ABHD18: variants seen among roughly 807,000 people sequenced by gnomAD.
ABHD18 encodes cardiolipin-specific deacylase, mitochondrial.
ABHD18 carries 55 observed loss-of-function variants against 65.9 expected under a neutral mutation model. The observed-to-expected ratio is 0.84, with a 90% confidence interval of 0.67 to 1.05. The LOEUF (loss-of-function observed/expected upper bound fraction) is 1.05. Ranked by LOEUF, ABHD18 falls within the 50% of genes least tolerant of loss-of-function variation. The pLI is 0.00. For missense variants in ABHD18, 533 were observed against 558.5 expected, an observed-to-expected ratio of 0.95 and a Z score of 0.46; for synonymous variants, 181 against 180.2, an observed-to-expected ratio of 1.00 and a Z score of -0.04.
intron 12 of ABHD18, among the ~76,000 whole-genome samples, chr4:128,032,292 C>T (rs1758326351): frequency 6.6e-6 from 1 of 152,194 alleles, no homozygotes; most frequent in African/African-American, 2.4e-5. Flanking sequence ...TATTTGACCT[C>T]TTCCATTCCC....
At chr4:127,970,636 T>C (rs1007295843) in intron 1 of ABHD18, among the ~76,000 whole-genome samples, 5 of 146,776 alleles carry the variant, frequency 3.4e-5, no homozygotes, top group African/African-American at 1.3e-4. Context: ...ACCTATAATA[T>C]ATTGCAAAAG....
At chr4:128,010,926 T>C (rs1030835837) in intron 6 of ABHD18, among the ~76,000 whole-genome samples, 5 of 145,030 alleles carry the variant, frequency 3.4e-5, no homozygotes, top group African/African-American at 1.3e-4. Flanking sequence ...AAAAAAACCG[T>C]GGATAAAGAG....
rs1186504338 is a variant in ABHD18, at chr4:128,009,123, G to A, written c.374G>A (p.Arg125Gln). 1.9e-6 allele frequency: 3 copies of A among 1,571,540 alleles called. No individual in the cohort carries two copies. The highest frequency in any genetic ancestry group is 2.3e-5 in the East Asian group (1 of 43,388). ...GTGDHHYWRR[R>Q]TLMARPMIKE... ...TTTCCTTAGCATTACTGGAGGCGAC[G>A]AACACTAATGGCCCGTCCTATGATT... The change falls in exon 6 of 13, where the codon CGA becomes CAA. Residue 125 changes from arginine (R) to glutamine (Q), a missense_variant. Physicochemically the swap from Arg to Gln is conservative, Grantham distance 43 (BLOSUM62 1). Transcript: ENST00000645843.
At position 128,038,201 on chromosome 4, in the gene ABHD18, C is replaced by T. The variant is rs1759048517; in HGVS notation, c.*2388C>T. On this transcript the variant is annotated 3_prime_UTR_variant, in exon 13 of 13. Transcript: ENST00000645843. ...TTTCAAACTACTTTGGCATAACAAGCCAACACTGTACAGCTCTTTGAGCTA... is the reference window on the plus strand; with the variant it reads ...TTTCAAACTACTTTGGCATAACAAGTCAACACTGTACAGCTCTTTGAGCTA... The T allele has an allele frequency of 6.6e-6, 1 of 152,156 alleles. No homozygotes were observed. Among genetic ancestry groups the T allele is most frequent in the African/African-American group, 2.4e-5 (1 of 41,442 alleles). The allele number at this position is 152,156 out of a possible 1,614,324, so 9.4% of individuals were successfully genotyped here.
chr4:127,982,915 G>A, intron 1 of ABHD18, 24 bp from the exon 2 acceptor site: 2 of 1,242,264 alleles, frequency 1.6e-6, no homozygotes, highest in Non-Finnish European at 2.2e-6. Context: ...ATATTTTAAA[G>A]CCATTTTAAA....
At chr4:128,017,612 T>A in intron 8 of ABHD18, 111 bp downstream of exon 8, 1 of 984,550 alleles carries the variant, frequency 1.0e-6, no homozygotes, top group Non-Finnish European at 1.4e-6. Flanking sequence ...TTAGTAAAAG[T>A]AGGAAGCAGA....
intron 8 of ABHD18, among the ~76,000 whole-genome samples, chr4:128,019,247 A>G (rs1287947835): frequency 6.6e-6 from 1 of 152,040 alleles, no homozygotes. Flanking sequence ...CTTTGACAAT[A>G]CTACTCCTTT....
intron 4 of ABHD18, among the ~76,000 whole-genome samples, chr4:127,994,417 G>A (rs1053465637): frequency 2.0e-5 from 3 of 152,078 alleles, no homozygotes; most frequent in African/African-American, 7.2e-5. Context: ...CCAACATAGT[G>A]AAATCCTATC....
Position 128,037,344 on chromosome 4 carries a change from A to G in ABHD18, c.*1531A>G, listed in dbSNP as rs1166690747. 2 of 152,102 alleles carry G rather than the reference A, an allele frequency of 1.3e-5. No individual in the cohort carries two copies. Among genetic ancestry groups the G allele is most frequent in the Non-Finnish European group, 2.9e-5 (2 of 68,060 alleles). 9.4% of individuals were successfully genotyped at this position (152,102 alleles called of 1,614,324 possible). A position where few individuals can be genotyped will look rare whatever the true frequency, so the allele number is the denominator to read the frequency against. On this transcript the variant is annotated 3_prime_UTR_variant, in exon 13 of 13. Transcript: ENST00000645843. ...TATTTCTCCCTACTAAAAAGTTTCA[A>G]TTCACAAAAATGGAAACATTGGAAG...
intron 4 of ABHD18, among the ~76,000 whole-genome samples, chr4:128,008,666 A>G (rs1325391667): frequency 6.6e-6 from 1 of 152,184 alleles, no homozygotes; most frequent in African/African-American, 2.4e-5. Context: ...TATGATATTG[A>G]ACAAGGTAAA....
rs1177132171 is a variant in ABHD18, at chr4:128,039,169, A to G, written c.*3356A>G. 3 of 138,570 alleles carry G rather than the reference A, an allele frequency of 2.2e-5. No individual in the cohort carries two copies. The highest frequency in any genetic ancestry group is 5.8e-5 in the African/African-American group (2 of 34,652). 8.6% of individuals were successfully genotyped at this position (138,570 alleles called of 1,614,324 possible). ...CATATATATATATATATATATATAT[A>G]TATATATATATATATAATCTCAAAG... On this transcript the variant is annotated 3_prime_UTR_variant, in exon 13 of 13. Transcript: ENST00000645843.
At chr4:127,975,021 A>T (rs1044916657) in intron 1 of ABHD18, among the ~76,000 whole-genome samples, 1 of 139,616 alleles carries the variant, frequency 7.2e-6, no homozygotes, top group Non-Finnish European at 1.6e-5. Context: ...AAAAAAAAAT[A>T]GTGAACTACT....
chr4:128,037,796 A>T lies in ABHD18; in HGVS notation c.*1983A>T, dbSNP rs1759011378. The T allele has an allele frequency of 6.7e-6, 1 of 148,270 alleles. No individual in the cohort carries two copies. The highest frequency in any genetic ancestry group is 1.5e-5 in the Non-Finnish European group (1 of 67,226). The allele number at this position is 148,270 out of a possible 1,614,324, so 9.2% of individuals were successfully genotyped here. A position where few individuals can be genotyped will look rare whatever the true frequency, so the allele number is the denominator to read the frequency against. On this transcript the variant is annotated 3_prime_UTR_variant, in exon 13 of 13. Transcript: ENST00000645843. ...ATTTGTCCCATATAAACTTTATTTT[A>T]CAGAAAATATTTAAAGTTTTATGTA...
intron 10 of ABHD18, among the ~76,000 whole-genome samples, chr4:128,026,086 T>C (rs28700870): frequency 1 from 152,001 of 152,022 alleles, 75,990 homozygotes; most frequent in Middle Eastern, 1. Context: ...GTCAGGAGTT[T>C]GAGACCAGCC....
chr4:127,974,188 G>GTTTT (rs34967150), intron 1 of ABHD18, among the ~76,000 whole-genome samples: 5 of 101,506 alleles, frequency 4.9e-5, no homozygotes, highest in East Asian at 3.0e-4. Context: ...CTTAAGTTCT[G>GTTTT]TTTTTTTTTT....
At chr4:128,013,754 C>G (rs1191650936) in intron 7 of ABHD18, among the ~76,000 whole-genome samples, 1 of 151,878 alleles carries the variant, frequency 6.6e-6, no homozygotes, top group Non-Finnish European at 1.5e-5. Context: ...TCTGTTAAAC[C>G]TGCAAGTGGA....
chr4:127,990,352 C>T (rs1196905006), intron 4 of ABHD18, among the ~76,000 whole-genome samples: 2 of 152,112 alleles, frequency 1.3e-5, no homozygotes, highest in Non-Finnish European at 2.9e-5. Context: ...CACTTGAGGT[C>T]AGGAGTTCTA....
chr4:128,018,928 C>A (rs917942587), intron 8 of ABHD18, among the ~76,000 whole-genome samples: 1 of 150,746 alleles, frequency 6.6e-6, no homozygotes, highest in African/African-American at 2.4e-5. Context: ...GCAGGAGAAT[C>A]GCCTGAACCC....
intron 4 of ABHD18, among the ~76,000 whole-genome samples, chr4:127,997,926 A>G (rs771186583): frequency 7.4e-5 from 11 of 148,772 alleles, no homozygotes; most frequent in Non-Finnish European, 1.2e-4. Context: ...TTCTTGCTCT[A>G]TTGCTCAGGC....
Sources: gnomAD v4.1 joint callset for allele counts (sites outside exome capture counted in the v4.1 genomes callset) on GRCh38, gnomAD v4.1.1 for gene constraint, MANE v1.5 for transcripts, NCBI Gene and HGNC (gene_info 2026-07-23, HGNC 2026-07-21) for gene names.